The following CACNB4 variants were observed in gnomAD, a reference collection of about 807,000 sequenced individuals.
CACNB4 encodes the protein voltage-dependent L-type calcium channel subunit beta-4.
A neutral mutation model predicts 71.2 loss-of-function variants in CACNB4; 32 were observed. The observed-to-expected ratio is 0.45, with a 90% CI of 0.34 to 0.60. CACNB4 has a LOEUF of 0.60. CACNB4 is among the 20% of genes least tolerant of loss of function. CACNB4 has a pLI of 0.01. For missense variants in CACNB4, 464 were observed against 647.9 expected, an observed-to-expected ratio of 0.72 and a Z score of 3.08; for synonymous variants, 231 against 236.9, an observed-to-expected ratio of 0.97 and a Z score of 0.23.
At chr2:152,087,319 C>G (rs1455821995) in intron 2 of CACNB4, among the ~76,000 whole-genome samples, 26 of 151,026 alleles carry the variant, frequency 1.7e-4, no homozygotes, top group Admixed American at 1.7e-3. Context: ...GTAATCCCAG[C>G]TACTTGGCAG....
chr2:152,025,181 G>A (rs142050081), intron 2 of CACNB4, among the ~76,000 whole-genome samples: 28 of 152,324 alleles, frequency 1.8e-4, no homozygotes, highest in African/African-American at 6.5e-4. Flanking sequence ...GCTAGACAGT[G>A]AGCAAATTCT....
intron 2 of CACNB4, among the ~76,000 whole-genome samples, chr2:151,903,411 C>A (rs923183533): frequency 1.3e-5 from 2 of 151,980 alleles, no homozygotes; most frequent in Non-Finnish European, 2.9e-5. Flanking sequence ...CCCAGCTACA[C>A]AGGAGGCTAA....
At chr2:151,993,853 G>A (rs146390815) in intron 2 of CACNB4, among the ~76,000 whole-genome samples, 24 of 150,010 alleles carry the variant, frequency 1.6e-4, no homozygotes, top group African/African-American at 4.9e-4. Context: ...GTGAGCCACT[G>A]TGCCCAGCCG....
chr2:151,978,754 C>T (rs538305620), intron 2 of CACNB4, among the ~76,000 whole-genome samples: 1 of 152,242 alleles, frequency 6.6e-6, no homozygotes, highest in South Asian at 2.1e-4. Flanking sequence ...GATTGCTAAA[C>T]CTTGCCCCTG....
intron 2 of CACNB4, among the ~76,000 whole-genome samples, chr2:151,947,606 G>A (rs1316760681): frequency 3.3e-5 from 5 of 152,120 alleles, no homozygotes; most frequent in African/African-American, 4.8e-5. Flanking sequence ...TGCCAGAAAC[G>A]TTTACTGCAC....
rs567722054 is a variant in CACNB4, at chr2:151,997,602, T to C, written c.147+100728A>G. 4.2e-4 allele frequency among the ~76,000 whole-genome samples: 64 copies of C among 152,000 alleles called. 2 individuals carry two copies. The South Asian group carries it at 0.013, about 30-fold the overall frequency. On this transcript the variant is annotated intron_variant, in intron 2 of 13. Coordinates refer to ENST00000539935, the MANE Select transcript of CACNB4 (RefSeq NM_000726.5). Reference sequence around the variant, plus strand: ...GACAAGGTGACATGAAGATGAATGCTGAGATTGGAGTGATGTAACCATGAG... The same window carrying C: ...GACAAGGTGACATGAAGATGAATGCCGAGATTGGAGTGATGTAACCATGAG...
chr2:151,886,851 T>TTGAAAGGGAGTA (rs528709059), intron 2 of CACNB4, among the ~76,000 whole-genome samples: 246 of 152,252 alleles, frequency 1.6e-3, no homozygotes, highest in African/African-American at 5.7e-3. Flanking sequence ...TTTCAACTAG[T>TTGAAAGGGAGTA]TGAACATATC....
In CACNB4 at chr2:151,963,412, A is replaced by T. The variant is rs62176760; in HGVS notation, c.148-80042T>A. Among the ~76,000 whole-genome samples the T allele has an allele frequency of 2.0e-5, 3 of 151,996 alleles. No individual in the cohort carries two copies. The East Asian group carries it at 5.8e-4, about 29-fold the overall frequency. On this transcript the variant is annotated intron_variant, in intron 2 of 13. Transcript: ENST00000539935. ...AGTGGCCTAATCTCTCTGGGCCTCAACTGTTTCATCTTTGATATGATGAGG... is the reference window on the plus strand; with the variant it reads ...AGTGGCCTAATCTCTCTGGGCCTCATCTGTTTCATCTTTGATATGATGAGG...
chr2:152,049,308 G>A (rs756118986), intron 2 of CACNB4, among the ~76,000 whole-genome samples: 16 of 151,996 alleles, frequency 1.1e-4, no homozygotes, highest in Non-Finnish European at 2.1e-4. Context: ...GGGATTACAG[G>A]TGCATGCCAC....
chr2:151,874,182 A>G (rs58739078), intron 5 of CACNB4: 21,062 of 152,254 alleles, frequency 0.14, 2,418 homozygotes, highest in East Asian at 0.49. Flanking sequence ...TAGAAGTGTG[A>G]GAACAGGCCG....
At chr2:152,091,151 CT>C (rs1387674811) in intron 2 of CACNB4, among the ~76,000 whole-genome samples, 2 of 152,094 alleles carry the variant, frequency 1.3e-5, no homozygotes, top group Non-Finnish European at 2.9e-5. Flanking sequence ...AATTAGATTT[CT>C]TTCTTCATAA....
At chr2:151,879,103 TG>T (rs949643450) in intron 4 of CACNB4, among the ~76,000 whole-genome samples, 1 of 152,194 alleles carries the variant, frequency 6.6e-6, no homozygotes, top group Admixed American at 6.5e-5. Context: ...TGCATAGGTC[TG>T]GAATTTAAAT....
At chr2:152,072,064 T>G (rs1686725355) in intron 2 of CACNB4, among the ~76,000 whole-genome samples, 1 of 152,240 alleles carries the variant, frequency 6.6e-6, no homozygotes, top group East Asian at 1.9e-4. Context: ...ATTCTTGCCT[T>G]CCTGAAGCTT....
At chr2:152,053,788 G>A (rs565035394) in intron 2 of CACNB4, among the ~76,000 whole-genome samples, 75 of 152,214 alleles carry the variant, frequency 4.9e-4, no homozygotes, top group African/African-American at 1.8e-3. Flanking sequence ...CCTCCCAAAA[G>A]TGCTGGGATT....
chr2:151,892,844 T>G (rs1469147108), intron 2 of CACNB4, among the ~76,000 whole-genome samples: 1 of 152,182 alleles, frequency 6.6e-6, no homozygotes, highest in East Asian at 1.9e-4. Flanking sequence ...CTGCCCAGAC[T>G]TCACCCAAAG....
intron 2 of CACNB4, among the ~76,000 whole-genome samples, chr2:152,006,455 T>C (rs934738459): frequency 1.3e-5 from 2 of 149,080 alleles, no homozygotes; most frequent in Admixed American, 1.4e-4. Flanking sequence ...CAGGCTGGAG[T>C]GCAGTGATGC....
In CACNB4 at chr2:151,839,055, T is replaced by C. The variant is rs2099835510; in HGVS notation, c.*64A>G. ...TGCTATGTTAGCCAAGTTAAGATGA[T>C]TGGTTTATCCTAGCACTGCTATGGC... On this transcript the variant is annotated 3_prime_UTR_variant, in exon 14 of 14. Coordinates refer to ENST00000539935, the MANE Select transcript of CACNB4 (RefSeq NM_000726.5). The C allele has an allele frequency of 1.4e-6, 2 of 1,399,000 alleles. No individual in the cohort carries two copies. Among genetic ancestry groups the C allele is most frequent in the Non-Finnish European group, 2.0e-6 (2 of 1,014,040 alleles). The allele number at this position is 1,399,000 out of a possible 1,614,324, so 86.7% of individuals were successfully genotyped here.
intron 2 of CACNB4, among the ~76,000 whole-genome samples, chr2:152,070,064 C>T (rs543431865): frequency 3.3e-5 from 5 of 151,946 alleles, no homozygotes; most frequent in Admixed American, 3.3e-4. Flanking sequence ...AGGATGGTCT[C>T]GATCTCCTGA....
intron 2 of CACNB4, among the ~76,000 whole-genome samples, chr2:151,947,350 T>TG (rs925493079): frequency 2.0e-5 from 3 of 152,052 alleles, no homozygotes; most frequent in African/African-American, 7.2e-5. Context: ...AAGAATCACG[T>TG]GGGGTACTTA....
Sources: gnomAD v4.1 joint callset for allele counts (sites outside exome capture counted in the v4.1 genomes callset) on GRCh38, gnomAD v4.1.1 for gene constraint, MANE v1.5 for transcripts, NCBI Gene and HGNC (gene_info 2026-07-23, HGNC 2026-07-21) for gene names.